PPIP5K1: variants seen among roughly 807,000 people sequenced by gnomAD.
The protein encoded by PPIP5K1 is inositol hexakisphosphate and diphosphoinositol-pentakisphosphate kinase 1.
Under a neutral mutation model 27.7 loss-of-function variants are expected in PPIP5K1, and 6 were observed. That is an observed-to-expected ratio of 0.22 (90% CI 0.12 to 0.43). The LOEUF is 0.43. Among genes scored for constraint, PPIP5K1 ranks in the 20% least tolerant of loss-of-function variants. PPIP5K1 has a pLI of 1.00. For synonymous variants in PPIP5K1, 145 were observed against 242.6 expected, an observed-to-expected ratio of 0.60 and a Z score of 3.74; for missense variants, 394 against 635.4, an observed-to-expected ratio of 0.62 and a Z score of 4.08.
At chr15:43,546,007 T>C (rs1396341745) in intron 30 of PPIP5K1, among the ~76,000 whole-genome samples, 1 of 151,756 alleles carries the variant, frequency 6.6e-6, no homozygotes, top group Non-Finnish European at 1.5e-5. Flanking sequence ...GCTTTCACTT[T>C]ATGGGGAAAA....
intron 30 of PPIP5K1, among the ~76,000 whole-genome samples, chr15:43,549,570 T>C (rs1301421480): frequency 6.6e-6 from 1 of 152,114 alleles, no homozygotes; most frequent in East Asian, 1.9e-4. Flanking sequence ...GGAGGATCAC[T>C]TGAGCCTGGG....
At chr15:43,554,152 A>G (rs540287092) in intron 30 of PPIP5K1, among the ~76,000 whole-genome samples, 1 of 152,296 alleles carries the variant, frequency 6.6e-6, no homozygotes, top group Non-Finnish European at 1.5e-5. Flanking sequence ...AATAAAATAA[A>G]TAAAAGTAGG....
At position 43,534,536 on chromosome 15, in the gene PPIP5K1, T is replaced by C; in HGVS notation, c.*138A>G. 1 of 729,126 alleles carries C rather than the reference T, an allele frequency of 1.4e-6. No individual in the cohort carries two copies. Among genetic ancestry groups the C allele is most frequent in the Non-Finnish European group, 2.2e-6 (1 of 457,324 alleles). 45.2% of individuals were successfully genotyped at this position (729,126 alleles called of 1,614,324 possible). ...ACCACTAATGAGAAAATTAATCACA[T>C]GTTGCTGGTGGAAGGGGTGAGTGCT... On this transcript the variant is annotated 3_prime_UTR_variant, in exon 32 of 32. Transcript: ENST00000420765.
intron 30 of PPIP5K1, among the ~76,000 whole-genome samples, chr15:43,545,474 C>CTTT (rs56710390): frequency 1.3e-4 from 15 of 119,010 alleles, no homozygotes; most frequent in Non-Finnish European, 2.0e-4. Context: ...CTGTACACTT[C>CTTT]TTTTTTTTTT....
At chr15:43,550,233 T>G (rs2082023533) in intron 30 of PPIP5K1, among the ~76,000 whole-genome samples, 1 of 152,060 alleles carries the variant, frequency 6.6e-6, no homozygotes. Flanking sequence ...CCTCCTATGC[T>G]CAAGCCATCC....
chr15:43,556,498 A>G (rs942397784), intron 30 of PPIP5K1, among the ~76,000 whole-genome samples: 1 of 148,930 alleles, frequency 6.7e-6, no homozygotes, highest in Non-Finnish European at 1.5e-5. Flanking sequence ...TTAGCCGGGC[A>G]TGGTGGCACT....
intron 10 of PPIP5K1, among the ~76,000 whole-genome samples, chr15:43,579,426 A>ACG (rs1485880017): frequency 8.8e-6 from 1 of 113,368 alleles, no homozygotes; most frequent in East Asian, 3.2e-4. Context: ...ACACACACGT[A>ACG]TGTGTACATA....
intron 30 of PPIP5K1, among the ~76,000 whole-genome samples, chr15:43,558,306 C>A (rs1264338598): frequency 6.6e-6 from 1 of 151,516 alleles, no homozygotes; most frequent in Non-Finnish European, 1.5e-5. Context: ...CGGCTCCCTG[C>A]AACCTCTGCC....
At chr15:43,540,015 G>A (rs903894198) in intron 30 of PPIP5K1, among the ~76,000 whole-genome samples, 2 of 152,202 alleles carry the variant, frequency 1.3e-5, no homozygotes, top group African/African-American at 4.8e-5. Flanking sequence ...CACTTTAGGA[G>A]GTCGAGGCAG....
At chr15:43,543,681 T>C (rs1211028059) in intron 30 of PPIP5K1, among the ~76,000 whole-genome samples, 1 of 152,074 alleles carries the variant, frequency 6.6e-6, no homozygotes, top group East Asian at 1.9e-4. Flanking sequence ...ATATTTATCA[T>C]TACAGTATTT....
chr15:43,559,147 C>A (rs1484400627), intron 29 of PPIP5K1, among the ~76,000 whole-genome samples: 1 of 152,150 alleles, frequency 6.6e-6, no homozygotes, highest in Non-Finnish European at 1.5e-5. Flanking sequence ...CCTGCTAAGG[C>A]CTCAAGGTGA....
intron 30 of PPIP5K1, among the ~76,000 whole-genome samples, chr15:43,558,495 G>C (rs951914849): frequency 6.6e-6 from 1 of 152,138 alleles, no homozygotes; most frequent in Non-Finnish European, 1.5e-5. Flanking sequence ...CAAAGTGCTG[G>C]GATTACAGGC....
chr15:43,555,346 G>A (rs1454378108), intron 30 of PPIP5K1, among the ~76,000 whole-genome samples: 1 of 151,964 alleles, frequency 6.6e-6, no homozygotes, highest in Non-Finnish European at 1.5e-5. Context: ...CACAATCTCG[G>A]CTCACTGCAA....
At chr15:43,557,608 T>C (rs2083155031) in intron 30 of PPIP5K1, among the ~76,000 whole-genome samples, 1 of 152,096 alleles carries the variant, frequency 6.6e-6, no homozygotes, top group Non-Finnish European at 1.5e-5. Context: ...GTAGGGCTAG[T>C]ATTTGCTCAC....
chr15:43,545,773 T>G (rs67158965), intron 30 of PPIP5K1, among the ~76,000 whole-genome samples: 1 of 152,220 alleles, frequency 6.6e-6, no homozygotes, highest in Non-Finnish European at 1.5e-5. Context: ...GGTTTAATTT[T>G]TTTTATTGAG....
In PPIP5K1 at chr15:43,581,170, G is replaced by A. The variant is rs2085019873; in HGVS notation, c.940-47C>T. On this transcript the variant is annotated intron_variant, in intron 9 of 31. Transcript: ENST00000420765. Reference sequence around the variant, plus strand: ...TGAGAACAAGACAGTTACTCTTCCCGGACCCCTGTTCCTTCCTTTCTCCTT... The same window carrying A: ...TGAGAACAAGACAGTTACTCTTCCCAGACCCCTGTTCCTTCCTTTCTCCTT... 1.4e-5 allele frequency: 22 copies of A among 1,551,470 alleles called. 1 individual carries two copies. The highest frequency in any genetic ancestry group is 2.3e-5 in the South Asian group (2 of 88,774).
intron 30 of PPIP5K1, among the ~76,000 whole-genome samples, chr15:43,543,568 G>A (rs2081031905): frequency 6.6e-6 from 1 of 151,970 alleles, no homozygotes; most frequent in South Asian, 2.1e-4. Flanking sequence ...ATGGTACATA[G>A]AGACCAAAAT....
chr15:43,538,390 T>TA (rs2080195188), intron 31 of PPIP5K1, among the ~76,000 whole-genome samples: 1 of 152,156 alleles, frequency 6.6e-6, no homozygotes, highest in Non-Finnish European at 1.5e-5. Flanking sequence ...CAAAAATAAC[T>TA]AGTGATAGAT....
At chr15:43,553,046 AAAAG>A (rs2082433735) in intron 30 of PPIP5K1, among the ~76,000 whole-genome samples, 1 of 152,230 alleles carries the variant, frequency 6.6e-6, no homozygotes, top group Non-Finnish European at 1.5e-5. Flanking sequence ...AAAAAAATAA[AAAAG>A]AAAAAGAATA....
Sources: allele counts gnomAD v4.1 joint callset (sites outside exome capture counted in the v4.1 genomes callset), GRCh38; gene constraint gnomAD v4.1.1; transcripts MANE v1.5; gene names NCBI Gene and HGNC (gene_info 2026-07-23, HGNC 2026-07-21).